Variants in LDLRAP1 observed in about 807,000 individuals in gnomAD.
LDLRAP1 encodes the protein low density lipoprotein receptor adapter protein 1.
Under a neutral mutation model 37.8 loss-of-function variants are expected in LDLRAP1, and 30 were observed. That is an observed-to-expected ratio of 0.79 (90% CI 0.59 to 1.08). LDLRAP1 has a LOEUF of 1.08. Among genes scored for constraint, LDLRAP1 ranks in the 50% least tolerant of loss-of-function variants. LDLRAP1 has a pLI of 0.00. For missense variants in LDLRAP1, 375 were observed against 401.6 expected, an observed-to-expected ratio of 0.93 and a Z score of 0.57; for synonymous variants, 156 against 169.8, an observed-to-expected ratio of 0.92 and a Z score of 0.63.
At chr1:25,579,575 C>T in the LDLRAP1 span, among the ~76,000 whole-genome samples, 1 of 152,212 alleles carries the variant, frequency 6.6e-6, no homozygotes, top group Non-Finnish European at 1.5e-5. Context: ...TTCCTAGGCT[C>T]CAGTCCATGC....
rs1026734228 is a variant in LDLRAP1, at chr1:25,567,388, A to G, written c.*396A>G. On this transcript the variant is annotated 3_prime_UTR_variant, in exon 9 of 9. Transcript: ENST00000374338. ...TCCCTTCTCTCTTTCTAAGGACCCA[A>G]ATTTCCCTGGGGGCATCCTGCTTCC... is the stretch of plus-strand genomic sequence containing the variant. The G allele has an allele frequency of 1.9e-5, 6 of 308,954 alleles. No individual in the cohort carries two copies. Among genetic ancestry groups the G allele is most frequent in the South Asian group, 5.5e-5 (2 of 36,238 alleles). 19.1% of individuals were successfully genotyped at this position (308,954 alleles called of 1,614,324 possible).
chr1:25,565,052 G>A, intron 7 of LDLRAP1, 121 bp from the exon 8 acceptor site: 2 of 1,092,052 alleles, frequency 1.8e-6, no homozygotes, highest in Non-Finnish European at 2.8e-6. Context: ...CGTGCCTCCA[G>A]GCGCCCACCC....
chr1:25,543,794 T>C lies in LDLRAP1; in HGVS notation c.88+8T>C. 8.3e-7 allele frequency: 1 copy of C among 1,204,116 alleles called. No homozygotes were observed. The highest frequency in any genetic ancestry group is 3.3e-4 in the Middle Eastern group (1 of 3,070). 74.6% of individuals were successfully genotyped at this position (1,204,116 alleles called of 1,614,324 possible). On this transcript the variant is annotated splice_region_variant and intron_variant, in intron 1 of 8. Transcript: ENST00000374338. ...GCGGTGGCCGGCACCGCAGTGAGTG[T>C]GCGCGCGTCAGCCGGGCCGGGCCGG...
intron 7 of LDLRAP1, 81 bp downstream of exon 7, chr1:25,563,872 C>T (rs997628201): frequency 6.3e-7 from 1 of 1,589,180 alleles, no homozygotes; most frequent in African/African-American, 1.3e-5. Context: ...GGGACCAGGC[C>T]CTGGGACCCG....
Position 25,554,807 on chromosome 1 carries a change from G to C in LDLRAP1, c.232-53G>C, listed in dbSNP as rs1211169161. ...GGAACAGTGAAGTGTAAGCCATGAGGGTGGGTCTCAAGTGAGGCTGGCAGA... is the reference window on the plus strand; with the variant it reads ...GGAACAGTGAAGTGTAAGCCATGAGCGTGGGTCTCAAGTGAGGCTGGCAGA... On this transcript the variant is annotated intron_variant, in intron 2 of 8. Transcript: ENST00000374338. This position sits in a 1 kb window ranked among gnomAD's most constrained non-coding sequence, Gnocchi z 5.4. 2 of 1,395,912 alleles carry C rather than the reference G, an allele frequency of 1.4e-6. No homozygotes were observed. Among genetic ancestry groups the C allele is most frequent in the African/African-American group, 2.8e-5 (2 of 70,784 alleles). 86.5% of individuals were successfully genotyped at this position (1,395,912 alleles called of 1,614,324 possible).
At chr1:25,562,237 C>A (rs2044359305) in intron 4 of LDLRAP1, among the ~76,000 whole-genome samples, 1 of 152,176 alleles carries the variant, frequency 6.6e-6, no homozygotes, top group African/African-American at 2.4e-5. Context: ...ATTCCAAGGG[C>A]TAAGTCCACA....
intron 4 of LDLRAP1, among the ~76,000 whole-genome samples, chr1:25,557,660 C>T (rs990647194): frequency 2.0e-5 from 3 of 152,054 alleles, no homozygotes; most frequent in Non-Finnish European, 2.9e-5. Context: ...AAGGCAAAGG[C>T]GAGAGCCGTC....
chr1:25,579,954 G>A, the LDLRAP1 span, among the ~76,000 whole-genome samples: 1 of 152,102 alleles, frequency 6.6e-6, no homozygotes, highest in Admixed American at 6.6e-5. Context: ...AAACCCGCCA[G>A]GTTTCTGAGT....
intron 4 of LDLRAP1, among the ~76,000 whole-genome samples, chr1:25,557,580 A>G (rs2044237541): frequency 6.6e-6 from 1 of 151,992 alleles, no homozygotes; most frequent in Non-Finnish European, 1.5e-5. Flanking sequence ...TGTCTTTAAT[A>G]TGGTCTAGGG....
chr1:25,578,333 C>T, the LDLRAP1 span, among the ~76,000 whole-genome samples: 4 of 152,194 alleles, frequency 2.6e-5, no homozygotes, highest in South Asian at 8.3e-4. Flanking sequence ...TCAGACAACT[C>T]CGGCACGGCA....
Position 25,567,145 on chromosome 1 carries a change from G to A in LDLRAP1, c.*153G>A, listed in dbSNP as rs1557713659. 1.1e-6 allele frequency: 1 copy of A among 935,000 alleles called. No individual in the cohort carries two copies. Among genetic ancestry groups the A allele is most frequent in the South Asian group, 1.4e-5 (1 of 69,408 alleles). 57.9% of individuals were successfully genotyped at this position (935,000 alleles called of 1,614,324 possible). ...CAGAGCTGCAGCCAGTCAGGCAGGG[G>A]AGAGATTTTTCTTTTAAGCCCTGCT... is the stretch of plus-strand genomic sequence containing the variant. On this transcript the variant is annotated 3_prime_UTR_variant, in exon 9 of 9. Coordinates refer to ENST00000374338, the MANE Select transcript of LDLRAP1 (RefSeq NM_015627.3).
chr1:25,588,764 C>T, the LDLRAP1 span, among the ~76,000 whole-genome samples: 1 of 152,158 alleles, frequency 6.6e-6, no homozygotes, highest in East Asian at 1.9e-4. Flanking sequence ...CCAAGTCTCT[C>T]GTTCCACCTA....
At chr1:25,584,625 G>C in the LDLRAP1 span, among the ~76,000 whole-genome samples, 3 of 152,094 alleles carry the variant, frequency 2.0e-5, no homozygotes, top group Non-Finnish European at 4.4e-5. Flanking sequence ...CTTGGGTGGT[G>C]GGGAAGAGGA....
At chr1:25,578,545 T>C in the LDLRAP1 span, among the ~76,000 whole-genome samples, 6 of 152,228 alleles carry the variant, frequency 3.9e-5, no homozygotes, top group Admixed American at 1.3e-4. Flanking sequence ...GGTCTCACTC[T>C]GTCGCCCAGG....
At chr1:25,582,953 T>C in the LDLRAP1 span, among the ~76,000 whole-genome samples, 2 of 151,518 alleles carry the variant, frequency 1.3e-5, no homozygotes, top group Non-Finnish European at 2.9e-5. Context: ...AGGCCTGTAG[T>C]CCCAGCTACT....
chr1:25,553,946 C>A lies in LDLRAP1; in HGVS notation c.113C>A (p.Thr38Lys). ...HRKLPENWTD[T>K]RETLLEGMLF... ...GAGCTGCCTGAGAACTGGACAGACA[C>A]GCGGGAGACGCTGCTGGAGGGGATG... The change falls in exon 2 of 9, where the codon ACG becomes AAG. Residue 38 changes from threonine (T) to lysine (K), a missense_variant. Transcript: ENST00000374338. 2 of 1,613,964 alleles carry A rather than the reference C, an allele frequency of 1.2e-6. No individual in the cohort carries two copies. Among genetic ancestry groups the A allele is most frequent in the Non-Finnish European group, 1.7e-6 (2 of 1,179,992 alleles).
chr1:25,556,016 G>C (rs1337090559), intron 3 of LDLRAP1, among the ~76,000 whole-genome samples: 1 of 152,146 alleles, frequency 6.6e-6, no homozygotes, highest in Admixed American at 6.5e-5. Flanking sequence ...ATAGGATCTA[G>C]TTTGTTGTTA....
chr1:25,557,503 C>G, intron 4 of LDLRAP1: 2 of 581,508 alleles, frequency 3.4e-6, no homozygotes, highest in Non-Finnish European at 6.2e-6. Flanking sequence ...GCCCATGTCC[C>G]CAGTGTGTGT....
At chr1:25,588,259 C>A in the LDLRAP1 span, among the ~76,000 whole-genome samples, 1 of 152,138 alleles carries the variant, frequency 6.6e-6, no homozygotes, top group Admixed American at 6.5e-5. Flanking sequence ...TCCCCCGGCC[C>A]GACACCTGTA....
Sources: allele counts gnomAD v4.1 joint callset (sites outside exome capture counted in the v4.1 genomes callset), GRCh38; gene constraint gnomAD v4.1.1; non-coding constraint Gnocchi (gnomAD v3.1); transcripts MANE v1.5; gene names NCBI Gene and HGNC (gene_info 2026-07-23, HGNC 2026-07-21).